RNF220: variants seen among roughly 807,000 people sequenced by gnomAD.
RNF220 encodes the protein E3 ubiquitin-protein ligase RNF220.
In RNF220, 7 loss-of-function variants were observed where a neutral mutation model predicts 67.1. That is an observed-to-expected ratio of 0.10 (90% CI 0.06 to 0.20). RNF220 has a LOEUF of 0.20. RNF220 is among the 10% of genes least tolerant of loss of function. The pLI is 1.00. For synonymous variants in RNF220, 270 were observed against 283.2 expected (o/e 0.95, Z 0.47); for missense variants, 565 against 740.3 (o/e 0.76, Z 2.75).
At chr1:44,580,896 C>T (rs1665227166) in intron 2 of RNF220, among the ~76,000 whole-genome samples, 1 of 152,198 alleles carries the variant, frequency 6.6e-6, no homozygotes, top group Non-Finnish European at 1.5e-5. Flanking sequence ...GGCCTGTGTC[C>T]ATTCGCTGTG....
chr1:44,478,867 C>G (rs1655528189), intron 2 of RNF220, among the ~76,000 whole-genome samples: 1 of 152,190 alleles, frequency 6.6e-6, no homozygotes, highest in South Asian at 2.1e-4. Flanking sequence ...ATCTCCCATC[C>G]ATTGTTCCCC....
chr1:44,424,967 C>T (rs539180606), intron 2 of RNF220, among the ~76,000 whole-genome samples: 1 of 152,342 alleles, frequency 6.6e-6, no homozygotes, highest in African/African-American at 2.4e-5. Context: ...CCTCCTCTGT[C>T]CTCTTCCGCA....
intron 2 of RNF220, among the ~76,000 whole-genome samples, chr1:44,422,533 A>G (rs1329048289): frequency 6.6e-6 from 1 of 152,068 alleles, no homozygotes; most frequent in Non-Finnish European, 1.5e-5. Flanking sequence ...CTAACTTACC[A>G]TCATGGTATG....
intron 8 of RNF220, among the ~76,000 whole-genome samples, chr1:44,641,103 C>T (rs1256680355): frequency 6.6e-6 from 1 of 152,074 alleles, no homozygotes; most frequent in Non-Finnish European, 1.5e-5. Context: ...GGAGAAGGGT[C>T]GTTTTTATAA....
chr1:44,433,879 T>A (rs1196419048), intron 2 of RNF220, among the ~76,000 whole-genome samples: 1 of 152,160 alleles, frequency 6.6e-6, no homozygotes, highest in Non-Finnish European at 1.5e-5. Flanking sequence ...GAAGTATTGC[T>A]TGAGCCTGGG....
At chr1:44,405,774 T>C (rs955235011) in intron 1 of RNF220, among the ~76,000 whole-genome samples, 2 of 148,594 alleles carry the variant, frequency 1.3e-5, no homozygotes, top group African/African-American at 2.5e-5. Flanking sequence ...ACTTTCCGTC[T>C]TGAGTTTTCC....
intron 2 of RNF220, among the ~76,000 whole-genome samples, chr1:44,482,627 A>ATT (rs962035057): frequency 6.9e-6 from 1 of 145,138 alleles, no homozygotes; most frequent in African/African-American, 2.5e-5. Flanking sequence ...AATTCAGTAA[A>ATT]TTTTTTTTTT....
chr1:44,537,582 G>GCC (rs1661331598), intron 2 of RNF220, among the ~76,000 whole-genome samples: 1 of 152,062 alleles, frequency 6.6e-6, no homozygotes. Context: ...GTAAAGTTCT[G>GCC]TCCTTTGAAT....
chr1:44,455,650 A>C (rs1653103284), intron 2 of RNF220, among the ~76,000 whole-genome samples: 1 of 152,248 alleles, frequency 6.6e-6, no homozygotes, highest in East Asian at 1.9e-4. Flanking sequence ...CAGTAAAAAC[A>C]TTGAAAACCA....
At chr1:44,518,768 G>A (rs1170973426) in intron 2 of RNF220, among the ~76,000 whole-genome samples, 17 of 151,920 alleles carry the variant, frequency 1.1e-4, no homozygotes, top group Admixed American at 1.1e-3. Context: ...CCAGCTACTC[G>A]GGAGGCTGAG....
At chr1:44,598,342 G>A (rs541876159) in intron 2 of RNF220, among the ~76,000 whole-genome samples, 3 of 152,300 alleles carry the variant, frequency 2.0e-5, no homozygotes, top group South Asian at 4.1e-4. Flanking sequence ...AGGCTAATGC[G>A]GTAAGTGACA....
At position 44,424,829 on chromosome 1, in the gene RNF220, G is replaced by A. The variant is rs544393101; in HGVS notation, c.625+12107G>A. On this transcript the variant is annotated intron_variant, in intron 2 of 14. Coordinates refer to ENST00000361799, the MANE Select transcript of RNF220 (RefSeq NM_018150.4). ...GTGGCCCAGCGGAGGGTCTGGAGGT[G>A]CTTGGCCAGATGTGAGGGAGGCCGG... Among the ~76,000 whole-genome samples, 205 of 152,352 alleles carry A rather than the reference G, an allele frequency of 1.3e-3. 1 individual carries two copies. Among genetic ancestry groups the A allele is most frequent in the Non-Finnish European group, 1.5e-3 (101 of 68,036 alleles).
intron 8 of RNF220, among the ~76,000 whole-genome samples, chr1:44,642,581 G>T (rs1644518762): frequency 6.6e-6 from 1 of 152,192 alleles, no homozygotes; most frequent in South Asian, 2.1e-4. Context: ...GACCACAGTA[G>T]CTCTGTTTAA....
At chr1:44,474,585 T>C (rs961068163) in intron 2 of RNF220, among the ~76,000 whole-genome samples, 2 of 151,596 alleles carry the variant, frequency 1.3e-5, no homozygotes, top group Non-Finnish European at 2.9e-5. Flanking sequence ...GGCATGCACC[T>C]GTAGTCCCAG....
intron 2 of RNF220, among the ~76,000 whole-genome samples, chr1:44,521,369 C>A (rs1333440876): frequency 6.6e-6 from 1 of 152,186 alleles, no homozygotes; most frequent in Non-Finnish European, 1.5e-5. Context: ...CATTCTTTGC[C>A]GTCATGGAGT....
intron 2 of RNF220, among the ~76,000 whole-genome samples, chr1:44,458,987 C>G (rs909812853): frequency 6.6e-5 from 10 of 152,290 alleles, no homozygotes; most frequent in Non-Finnish European, 1.2e-4. Context: ...TTGCAGCTTC[C>G]TCTCTCCCTT....
intron 2 of RNF220, among the ~76,000 whole-genome samples, chr1:44,473,001 C>T (rs1177702113): frequency 6.6e-6 from 1 of 152,166 alleles, no homozygotes; most frequent in Non-Finnish European, 1.5e-5. Context: ...CTAGACCATA[C>T]TGGAAGGTTC....
At chr1:44,511,748 G>A (rs72688091) in intron 2 of RNF220, among the ~76,000 whole-genome samples, 25,965 of 152,160 alleles carry the variant, frequency 0.17, 2,767 homozygotes, top group Non-Finnish European at 0.24. Flanking sequence ...GAAAGTAAAA[G>A]GGGCCATCAG....
chr1:44,536,870 A>G (rs1345702233), intron 2 of RNF220, among the ~76,000 whole-genome samples: 2 of 152,158 alleles, frequency 1.3e-5, no homozygotes, highest in Non-Finnish European at 2.9e-5. Context: ...GAGCAGTTAT[A>G]TATCAGGAGC....
Sources: allele counts gnomAD v4.1 joint callset (sites outside exome capture counted in the v4.1 genomes callset), GRCh38; gene constraint gnomAD v4.1.1; transcripts MANE v1.5; gene names NCBI Gene and HGNC (gene_info 2026-07-23, HGNC 2026-07-21).